TLN2: variants seen among roughly 807,000 people sequenced by gnomAD.
TLN2 encodes talin-2.
A neutral mutation model predicts 294.7 loss-of-function variants in TLN2; 118 were observed. That is an observed-to-expected ratio of 0.40 (90% confidence interval 0.34 to 0.47). TLN2 has a LOEUF of 0.47. Among genes scored for constraint, TLN2 ranks in the 20% least tolerant of loss-of-function variants. The probability of loss-of-function intolerance (pLI) is 0.84; values close to 1 mark genes in which losing one functional copy is unlikely to be tolerated. For missense variants in TLN2, 3,083 were observed against 3,282.2 expected, an observed-to-expected ratio of 0.94 and a Z score of 1.48; for synonymous variants, 1,431 against 1,304.5, an observed-to-expected ratio of 1.10 and a Z score of -2.09.
intron 1 of TLN2, among the ~76,000 whole-genome samples, chr15:62,424,993 C>T (rs2034623692): frequency 6.8e-6 from 1 of 147,742 alleles, no homozygotes; most frequent in African/African-American, 2.5e-5. Context: ...TGCTTTGTCA[C>T]CCAGGCTGGA....
chr15:62,742,630 G>GA lies in TLN2; in HGVS notation c.4025+1871dup, dbSNP rs200320619. 2.8e-3 allele frequency among the ~76,000 whole-genome samples: 408 copies of GA among 147,376 alleles called. 1 individual carries two copies. Among genetic ancestry groups the GA allele is most frequent in the African/African-American group, 8.8e-3 (353 of 40,178 alleles). On this transcript the variant is annotated intron_variant, in intron 32 of 58. Transcript: ENST00000636159. The stretch of plus-strand genomic sequence containing the variant: ...CGAAGAAAGGACATGGGGAAAAGGG[G>GA]AAAAAAAAAAGCTTTCGTTGCCTTT...
At chr15:62,414,427 G>C (rs1163004446) in intron 1 of TLN2, among the ~76,000 whole-genome samples, 2 of 138,144 alleles carry the variant, frequency 1.4e-5, no homozygotes, top group African/African-American at 5.2e-5. Context: ...TGTTCAGCAG[G>C]CTCCTCAAAG....
chr15:62,528,648 T>G (rs1030109707), intron 1 of TLN2, among the ~76,000 whole-genome samples: 2 of 151,350 alleles, frequency 1.3e-5, no homozygotes, highest in Non-Finnish European at 2.9e-5. Flanking sequence ...TGACAGCCCT[T>G]CTTGAGTGTA....
At chr15:62,755,295 C>T in intron 36 of TLN2, 1 of 479,376 alleles carries the variant, frequency 2.1e-6, no homozygotes, top group Non-Finnish European at 3.6e-6. Context: ...TGGGGCTCAG[C>T]CTATCCCACC....
chr15:62,640,121 T>A, intron 3 of TLN2: 1 of 454,396 alleles, frequency 2.2e-6, no homozygotes, highest in Non-Finnish European at 4.4e-6. Flanking sequence ...TTTGCAGCAC[T>A]TCTGGGTGGC....
chr15:62,640,479 G>A, intron 3 of TLN2: 1 of 408,708 alleles, frequency 2.4e-6, no homozygotes, highest in Non-Finnish European at 4.9e-6. Flanking sequence ...ACAAACCCCT[G>A]CTTTACACAG....
At position 62,763,787 on chromosome 15, in the gene TLN2, A is replaced by G. The variant is rs982544103; in HGVS notation, c.5094+92A>G. On this transcript the variant is annotated intron_variant, in intron 40 of 58. Transcript: ENST00000636159. ...TTGGAGGGGTAGAGGTTGTAGGGCC[A>G]AAATGTTTCTGTTGCTGGAGTTTCA... The G allele has an allele frequency of 3.3e-5, 47 of 1,423,436 alleles. No individual in the cohort carries two copies. The Middle Eastern group carries it at 9.2e-4, about 28-fold the overall frequency. 88.2% of individuals were successfully genotyped at this position (1,423,436 alleles called of 1,614,324 possible).
intron 36 of TLN2, 146 bp downstream of exon 36, chr15:62,754,062 A>G: frequency 8.9e-7 from 1 of 1,127,802 alleles, no homozygotes; most frequent in Non-Finnish European, 1.2e-6. Context: ...ATAATGACTC[A>G]GGTGGGAGCA....
intron 1 of TLN2, among the ~76,000 whole-genome samples, chr15:62,392,076 C>G (rs1450606784): frequency 6.6e-6 from 1 of 152,262 alleles, no homozygotes; most frequent in East Asian, 1.9e-4. Flanking sequence ...CCTGAGCTTC[C>G]AGTCGCCTCT....
chr15:62,712,156 A>G (rs2059467148), intron 22 of TLN2, 79 bp downstream of exon 22: 2 of 1,533,504 alleles, frequency 1.3e-6, no homozygotes, highest in Non-Finnish European at 8.8e-7. Flanking sequence ...CAGATGGGGC[A>G]TGGTCATCCG....
At chr15:62,720,618 C>T (rs967503316) in intron 25 of TLN2, among the ~76,000 whole-genome samples, 1 of 150,830 alleles carries the variant, frequency 6.6e-6, no homozygotes, top group Non-Finnish European at 1.5e-5. Flanking sequence ...TATATCTCCT[C>T]ATATTTTAAC....
chr15:62,456,367 G>A (rs1029597925), intron 1 of TLN2, among the ~76,000 whole-genome samples: 4 of 152,164 alleles, frequency 2.6e-5, no homozygotes, highest in African/African-American at 7.2e-5. Flanking sequence ...AGCCTCAGCC[G>A]CACGGAAGGT....
At chr15:62,472,828 TGAGGAA>T (rs2037558350) in intron 1 of TLN2, among the ~76,000 whole-genome samples, 4 of 152,130 alleles carry the variant, frequency 2.6e-5, no homozygotes, top group African/African-American at 9.7e-5. Flanking sequence ...AGAATTCCCC[TGAGGAA>T]GGTAAACTGA....
chr15:62,626,953 T>G (rs1230579529), intron 3 of TLN2, among the ~76,000 whole-genome samples: 3 of 152,224 alleles, frequency 2.0e-5, no homozygotes, highest in Middle Eastern at 3.2e-3. Context: ...GTGTTTCCTC[T>G]TGGCAGATAT....
chr15:62,673,067 TTTAATTGTGTGTG>T (rs1490184525), intron 9 of TLN2, among the ~76,000 whole-genome samples: 1 of 132,414 alleles, frequency 7.6e-6, no homozygotes, highest in Non-Finnish European at 1.6e-5. Context: ...AATATCCTAA[TTTAATTGTGTGTG>T]TGTGTGTGTG....
intron 45 of TLN2, among the ~76,000 whole-genome samples, chr15:62,787,497 A>G (rs944873500): frequency 4.6e-5 from 7 of 152,140 alleles, no homozygotes; most frequent in African/African-American, 1.7e-4. Context: ...TCGACAAAAA[A>G]AGAATTGAGG....
intron 1 of TLN2, among the ~76,000 whole-genome samples, chr15:62,575,583 A>G (rs1333847913): frequency 2.0e-5 from 3 of 148,732 alleles, no homozygotes; most frequent in East Asian, 2.0e-4. Context: ...TAATTCATCA[A>G]TTTCCATGGA....
At chr15:62,502,986 G>C (rs2039387252) in intron 1 of TLN2, among the ~76,000 whole-genome samples, 1 of 152,126 alleles carries the variant, frequency 6.6e-6, no homozygotes, top group Non-Finnish European at 1.5e-5. Context: ...TCCGTTTGCT[G>C]CGTTTTCAAA....
At chr15:62,397,350 C>T (rs372332810) in intron 1 of TLN2, among the ~76,000 whole-genome samples, 13 of 152,246 alleles carry the variant, frequency 8.5e-5, no homozygotes, top group East Asian at 3.9e-4. Context: ...CTCAAACTCC[C>T]GGGCTCAAGT....
Sources: gnomAD v4.1 joint callset for allele counts (sites outside exome capture counted in the v4.1 genomes callset) on GRCh38, gnomAD v4.1.1 for gene constraint, MANE v1.5 for transcripts, NCBI Gene and HGNC (gene_info 2026-07-23, HGNC 2026-07-21) for gene names.